PARP14: variants seen among roughly 807,000 people sequenced by gnomAD.
The protein encoded by PARP14 is poly(ADP-ribose) polymerase family member 14.
PARP14 carries 59 observed loss-of-function variants against 154.2 expected under a neutral mutation model. The ratio of observed to expected loss-of-function variants is 0.38; its 90% CI spans 0.31 to 0.48. The LOEUF (loss-of-function observed/expected upper bound fraction) is 0.48, where lower values mean the gene tolerates loss of function less well. PARP14 is among the 20% of genes least tolerant of loss of function. The pLI is 0.98. For synonymous variants in PARP14, 720 were observed against 780.5 expected (o/e 0.92, Z 1.29); for missense variants, 1,734 against 2,131.6 (o/e 0.81, Z 3.67).
chr3:122,692,415 A>T lies in PARP14; in HGVS notation c.470A>T (p.Lys157Met). 3.7e-6 allele frequency: 6 copies of T among 1,613,864 alleles called. No individual in the cohort carries two copies. The highest frequency in any genetic ancestry group is 5.1e-6 in the Non-Finnish European group (6 of 1,179,772). ...ISSLVAFENLKANVTDIMLIL... is the reference protein window; with the variant it reads ...ISSLVAFENLMANVTDIMLIL... The stretch of plus-strand genomic sequence containing the variant: ...TCTTTGGTGGCATTTGAAAACCTCA[A>T]GGCAAATGTGACTGACATAATGCTA... Residue 157 changes from lysine to methionine, a missense_variant, in exon 4 of 17, where the codon AAG becomes ATG. This residue lies in a region of PARP14 where 1,646 missense variants were observed against 1,976.0 expected (regional missense o/e 0.83). Transcript: ENST00000474629.
chr3:122,714,800 T>C (rs1453513886), intron 12 of PARP14, among the ~76,000 whole-genome samples: 1 of 152,202 alleles, frequency 6.6e-6, no homozygotes, highest in African/African-American at 2.4e-5. Context: ...AGTCCTTAGC[T>C]TCCTCCTCTT....
intron 7 of PARP14, 144 bp downstream of exon 7, chr3:122,704,122 A>G (rs181317119): frequency 4.7e-6 from 3 of 640,380 alleles, no homozygotes; most frequent in East Asian, 5.5e-5. Context: ...TCATGTGGCC[A>G]TTTCTTTCAG....
At position 122,701,203 on chromosome 3, in the gene PARP14, C is replaced by T. The variant is rs61732765; in HGVS notation, c.2649C>T (p.Pro883=). 0.038 allele frequency: 61,880 copies of T among 1,613,360 alleles called. 1,507 individuals are homozygous for T. Among genetic ancestry groups the T allele is most frequent in the Non-Finnish European group, 0.047 (55,399 of 1,179,510 alleles). Reference sequence around the variant, plus strand: ...ACCACGTGATCCATGCAGTGGGGCCCCGCTGGAGCGGATATGAGGCCCCGA... The same window carrying T: ...ACCACGTGATCCATGCAGTGGGGCCTCGCTGGAGCGGATATGAGGCCCCGA... ...PYHHVIHAVG[P]RWSGYEAPRC... Residue 883 remains proline, a synonymous_variant, in exon 6 of 17, where the codon CCC becomes CCT. Coordinates refer to ENST00000474629, the MANE Select transcript of PARP14 (RefSeq NM_017554.3). The surrounding 1 kb of genome is among the most constrained non-coding windows in gnomAD (Gnocchi z 4.0).
At chr3:122,716,425 A>C (rs1932999195) in intron 12 of PARP14, among the ~76,000 whole-genome samples, 1 of 152,228 alleles carries the variant, frequency 6.6e-6, no homozygotes, top group Non-Finnish European at 1.5e-5. Flanking sequence ...GCAAGGCACC[A>C]TGTTTAGGCT....
At chr3:122,713,981 G>A (rs1210982468) in intron 11 of PARP14, 47 bp downstream of exon 11, 4 of 1,370,626 alleles carry the variant, frequency 2.9e-6, no homozygotes, top group Admixed American at 1.7e-5. Flanking sequence ...TTGTATGGGA[G>A]GCTGTGGAGA....
Position 122,713,870 on chromosome 3 carries a change from A to AG in PARP14, c.3772dup, listed in dbSNP as rs1270198231. 12 of 1,600,814 alleles carry AG rather than the reference A, an allele frequency of 7.5e-6. No individual in the cohort carries two copies. Among genetic ancestry groups the AG allele is most frequent in the Non-Finnish European group, 9.4e-6 (11 of 1,168,036 alleles). On this transcript the variant is annotated splice_acceptor_variant, in intron 10 of 16. Transcript: ENST00000474629. LOFTEE classifies it high-confidence loss of function. ...TGTTATCATCTTGATTTTCTCATGT[A>AG]GGGGTCTCCAAAGCAATTTTAGAAT...
chr3:122,703,716 A>G lies in PARP14; in HGVS notation c.3082-26A>G, dbSNP rs1576590943. ...ATGAATGCTTTTTGTTAAAATTTGAAACAAATTTTTGGTTTTGTCTTTAAG... is the reference window on the plus strand; with the variant it reads ...ATGAATGCTTTTTGTTAAAATTTGAGACAAATTTTTGGTTTTGTCTTTAAG... On this transcript the variant is annotated intron_variant, in intron 6 of 16. Transcript: ENST00000474629. 5.6e-6 allele frequency: 8 copies of G among 1,432,446 alleles called. No individual in the cohort carries two copies. In the East Asian group the frequency reaches 1.9e-4, roughly 33 times the overall value. 88.7% of individuals were successfully genotyped at this position (1,432,446 alleles called of 1,614,324 possible).
At chr3:122,728,156 C>G (rs182400326) in intron 16 of PARP14, among the ~76,000 whole-genome samples, 152 bp from the exon 17 acceptor site, 184 of 152,220 alleles carry the variant, frequency 1.2e-3, no homozygotes, top group South Asian at 4.4e-3. Context: ...TTGACTGGCC[C>G]TTCTAGGTAG....
At chr3:122,687,530 C>A (rs1450666491) in intron 3 of PARP14, among the ~76,000 whole-genome samples, 1 of 152,186 alleles carries the variant, frequency 6.6e-6, no homozygotes, top group East Asian at 1.9e-4. Flanking sequence ...TGCTCTGGAG[C>A]CAAAACAGGA....
In PARP14 at chr3:122,704,678, G is replaced by T. The variant is rs774835339; in HGVS notation, c.3470G>T (p.Ser1157Ile). The T allele has an allele frequency of 6.2e-7, 1 of 1,607,166 alleles. No homozygotes were observed. Reference protein sequence around the residue: ...LIISEVFKFSSKNQLKTLQEV... With the variant: ...LIISEVFKFSIKNQLKTLQEV... ...ATTTCAGAGGTGTTCAAATTTAGTA[G>T]CAAGAATCAGCTGAAAACTTTACAA... The change falls in exon 8 of 17, where the codon AGC becomes ATC. Residue 1157 changes from serine (S) to isoleucine (I), a missense_variant. Ser to Ile is a moderately radical substitution (Grantham distance 142, BLOSUM62 -2). Around this residue, in one of 2 missense-constraint regions of PARP14, gnomAD observed 1,646 missense variants for 1,976.0 expected, o/e 0.83. Transcript: ENST00000474629.
chr3:122,706,176 A>C (rs1455497317), intron 8 of PARP14, among the ~76,000 whole-genome samples: 7 of 152,202 alleles, frequency 4.6e-5, no homozygotes, highest in Non-Finnish European at 7.3e-5. Flanking sequence ...TTTCCTGAAG[A>C]CTGAGTATTT....
In PARP14 at chr3:122,699,704, C is replaced by A. The variant is rs1938890903; in HGVS notation, c.1150C>A (p.Gln384Lys). The change falls in exon 6 of 17, where the codon CAG becomes AAG. Residue 384 changes from glutamine to lysine, a missense_variant. Transcript: ENST00000474629. ...NEGRPRIKTW[Q>K]ADTSTTLSSI... ...AGGAAGACCGAGAATCAAGACCTGG[C>A]AGGCAGATACTTCCACAACACTCTC... 1.2e-6 allele frequency: 2 copies of A among 1,613,854 alleles called. No homozygotes were observed. The highest frequency in any genetic ancestry group is 1.7e-6 in the Non-Finnish European group (2 of 1,179,856).
intron 8 of PARP14, among the ~76,000 whole-genome samples, chr3:122,705,364 G>A (rs1464221024): frequency 6.6e-6 from 1 of 152,158 alleles, no homozygotes; most frequent in Non-Finnish European, 1.5e-5. Flanking sequence ...CCCTCCATAT[G>A]GACATAGAAA....
intron 15 of PARP14, among the ~76,000 whole-genome samples, chr3:122,725,164 G>A (rs552350704): frequency 2.8e-4 from 43 of 151,960 alleles, no homozygotes; most frequent in Non-Finnish European, 5.6e-4. Flanking sequence ...CTGTCTCTTC[G>A]GAGCTGTTGG....
intron 12 of PARP14, among the ~76,000 whole-genome samples, chr3:122,716,639 T>C (rs1284175826): frequency 6.6e-6 from 1 of 152,122 alleles, no homozygotes; most frequent in African/African-American, 2.4e-5. Context: ...ACTTCCAAAA[T>C]AGCTCCTCAA....
chr3:122,684,636 C>T (rs1448980182), intron 1 of PARP14, among the ~76,000 whole-genome samples: 1 of 152,036 alleles, frequency 6.6e-6, no homozygotes, highest in African/African-American at 2.4e-5. Context: ...AAATCTCCCC[C>T]TTCTTTTATA....
intron 15 of PARP14, chr3:122,722,504 G>T (rs1933186107): frequency 1.3e-5 from 2 of 152,128 alleles, no homozygotes; most frequent in African/African-American, 4.8e-5. Flanking sequence ...GCAGACCCTG[G>T]CCAGAGAATT....
intron 11 of PARP14, 45 bp downstream of exon 11, chr3:122,713,979 G>A: frequency 4.4e-6 from 6 of 1,370,462 alleles, no homozygotes; most frequent in Non-Finnish European, 6.3e-6. Flanking sequence ...AATTGTATGG[G>A]AGGCTGTGGA....
intron 4 of PARP14, among the ~76,000 whole-genome samples, chr3:122,692,870 G>T (rs751530573): frequency 6.6e-6 from 1 of 152,160 alleles, no homozygotes; most frequent in African/African-American, 2.4e-5. Flanking sequence ...TCCAAGTACA[G>T]GAGTCGGCTT....
Sources: allele counts gnomAD v4.1 joint callset (sites outside exome capture counted in the v4.1 genomes callset), GRCh38; gene constraint gnomAD v4.1.1; regional missense constraint gnomAD v4.1.1; non-coding constraint Gnocchi (gnomAD v3.1); transcripts MANE v1.5; gene names NCBI Gene and HGNC (gene_info 2026-07-23, HGNC 2026-07-21).